The following PALLD variants were observed in gnomAD, a reference collection of about 807,000 sequenced individuals.
PALLD encodes palladin.
PALLD carries 61 observed loss-of-function variants against 123.5 expected under a neutral mutation model. That is an observed-to-expected ratio of 0.49 (90% CI 0.40 to 0.61). PALLD has a LOEUF of 0.61. Among genes scored for constraint, PALLD ranks in the 20% least tolerant of loss-of-function variants. The pLI is 0.00. For synonymous variants in PALLD, 465 were observed against 496.4 expected (o/e 0.94, Z 0.84); for missense variants, 1,273 against 1,377.0 (o/e 0.92, Z 1.20).
intron 10 of PALLD, among the ~76,000 whole-genome samples, chr4:168,854,547 C>G (rs780271364): frequency 1.5e-4 from 23 of 152,256 alleles, no homozygotes; most frequent in Non-Finnish European, 3.2e-4. Context: ...AGAGAACAGC[C>G]GTGCAGCTGT....
In PALLD at chr4:168,753,205, A is replaced by G. The variant is rs62333925; in HGVS notation, c.1964+41282A>G. Among the ~76,000 whole-genome samples, 216 of 152,162 alleles carry G rather than the reference A, an allele frequency of 1.4e-3. 1 individual carries two copies. Among genetic ancestry groups the G allele is most frequent in the Non-Finnish European group, 2.4e-3 (166 of 68,004 alleles). On this transcript the variant is annotated intron_variant, in intron 10 of 21. Coordinates refer to ENST00000505667, the MANE Select transcript of PALLD (RefSeq NM_001166108.2). Reference sequence around the variant, plus strand: ...TCTTAATATCAATAAACTAATCCCCACCTTACATGCCATTTAAGTACAAGG... The same window carrying G: ...TCTTAATATCAATAAACTAATCCCCGCCTTACATGCCATTTAAGTACAAGG...
intron 2 of PALLD, among the ~76,000 whole-genome samples, chr4:168,553,358 A>C (rs575487503): frequency 6.6e-6 from 1 of 152,340 alleles, no homozygotes; most frequent in African/African-American, 2.4e-5. Context: ...GTTAAAGCAA[A>C]CAGAGTCTAA....
intron 2 of PALLD, among the ~76,000 whole-genome samples, chr4:168,568,366 G>A (rs1768622481): frequency 1.3e-5 from 2 of 151,856 alleles, no homozygotes; most frequent in African/African-American, 2.4e-5. Flanking sequence ...GTCATTAAAG[G>A]CATATTGAAT....
intron 10 of PALLD, among the ~76,000 whole-genome samples, chr4:168,811,925 G>T (rs116814513): frequency 0.016 from 2,451 of 152,130 alleles, 65 homozygotes; most frequent in African/African-American, 0.056. Context: ...ATTGGGTGAA[G>T]GTGACAGTCC....
chr4:168,625,380 C>G (rs1455571718), intron 2 of PALLD, among the ~76,000 whole-genome samples: 2 of 151,410 alleles, frequency 1.3e-5, no homozygotes, highest in Non-Finnish European at 2.9e-5. Context: ...GCAAATGGGG[C>G]TATATCAAAC....
Position 168,840,881 on chromosome 4 carries a change from C to T in PALLD, c.1965-50041C>T, listed in dbSNP as rs186733181. 1.6e-3 allele frequency among the ~76,000 whole-genome samples: 250 copies of T among 152,192 alleles called. 3 individuals carry two copies. Among genetic ancestry groups the T allele is most frequent in the African/African-American group, 5.1e-3 (211 of 41,542 alleles). On this transcript the variant is annotated intron_variant, in intron 10 of 21. Transcript: ENST00000505667. ...TTATTTATTTTTTGAGACCAAGTTTCGCTCTGTTGCCCAGGCTGGAGTGCA... is the reference window on the plus strand; with the variant it reads ...TTATTTATTTTTTGAGACCAAGTTTTGCTCTGTTGCCCAGGCTGGAGTGCA...
chr4:168,773,872 A>G (rs1250600472), intron 10 of PALLD, among the ~76,000 whole-genome samples: 14 of 152,068 alleles, frequency 9.2e-5, no homozygotes, highest in Non-Finnish European at 1.9e-4. Flanking sequence ...TTCCCCTCCA[A>G]CACTGAGGAA....
Position 168,926,344 on chromosome 4 carries a change from C to G in PALLD, c.*164C>G. 1 of 1,537,378 alleles carries G rather than the reference C, an allele frequency of 6.5e-7. No homozygotes were observed. Among genetic ancestry groups the G allele is most frequent in the African/African-American group, 1.4e-5 (1 of 73,160 alleles). On this transcript the variant is annotated 3_prime_UTR_variant, in exon 22 of 22. Transcript: ENST00000505667. ...CCAACCTGAGGCCAACCCATCTCACCTGACACTGAATACTGCCTTGGTAGA... is the reference window on the plus strand; with the variant it reads ...CCAACCTGAGGCCAACCCATCTCACGTGACACTGAATACTGCCTTGGTAGA...
At chr4:168,849,255 C>A (rs982550512) in intron 10 of PALLD, among the ~76,000 whole-genome samples, 1 of 152,234 alleles carries the variant, frequency 6.6e-6, no homozygotes, top group Non-Finnish European at 1.5e-5. Flanking sequence ...GACGTCTGCA[C>A]GCCCCTGGTG....
intron 10 of PALLD, among the ~76,000 whole-genome samples, chr4:168,881,445 A>C (rs945718325): frequency 6.6e-6 from 1 of 150,600 alleles, no homozygotes; most frequent in African/African-American, 2.4e-5. Context: ...TGGGGAAGAA[A>C]GGCATTTGAG....
At chr4:168,597,780 T>C (rs1218794464) in intron 2 of PALLD, among the ~76,000 whole-genome samples, 1 of 152,160 alleles carries the variant, frequency 6.6e-6, no homozygotes. Context: ...TTATTTCATA[T>C]ATGATCTGTA....
chr4:168,781,022 C>T (rs1339958990), intron 10 of PALLD, among the ~76,000 whole-genome samples: 1 of 152,078 alleles, frequency 6.6e-6, no homozygotes, highest in African/African-American at 2.4e-5. Flanking sequence ...AGATAGGAGT[C>T]GACATTTGAA....
intron 8 of PALLD, chr4:168,700,076 A>G (rs566325995): frequency 1.2e-5 from 4 of 326,358 alleles, no homozygotes; most frequent in Non-Finnish European, 1.9e-5. Flanking sequence ...CAGTATTACA[A>G]CCTGGCTCAT....
At chr4:168,689,507 G>A (rs1163192810) in intron 6 of PALLD, among the ~76,000 whole-genome samples, 1 of 126,458 alleles carries the variant, frequency 7.9e-6, no homozygotes, top group African/African-American at 3.1e-5. Context: ...AAGTGCAATG[G>A]TGTGATCTTG....
intron 17 of PALLD, among the ~76,000 whole-genome samples, chr4:168,918,293 T>G (rs970058517): frequency 1.3e-5 from 2 of 151,116 alleles, no homozygotes; most frequent in Admixed American, 6.6e-5. Context: ...TCAGCCTAAG[T>G]GTCAACAGAT....
chr4:168,783,482 T>C (rs1172472666), intron 10 of PALLD, among the ~76,000 whole-genome samples: 1 of 151,484 alleles, frequency 6.6e-6, no homozygotes, highest in East Asian at 1.9e-4. Flanking sequence ...AGGGGAGAGG[T>C]GATGAGACCA....
At chr4:168,538,258 CTGAG>C (rs1328420515) in intron 2 of PALLD, among the ~76,000 whole-genome samples, 7 of 152,210 alleles carry the variant, frequency 4.6e-5, no homozygotes, top group African/African-American at 1.4e-4. Flanking sequence ...GGGAATTATT[CTGAG>C]TAAGTAAACA....
intron 2 of PALLD, among the ~76,000 whole-genome samples, chr4:168,539,394 C>T (rs1765390538): frequency 6.6e-6 from 1 of 152,002 alleles, no homozygotes; most frequent in African/African-American, 2.4e-5. Flanking sequence ...TCGAGACCAG[C>T]CTGGCTAACA....
chr4:168,547,566 CAAAAA>C (rs11339394), intron 2 of PALLD, among the ~76,000 whole-genome samples: 3 of 70,932 alleles, frequency 4.2e-5, no homozygotes, highest in Non-Finnish European at 7.7e-5. Context: ...TAATAAAATA[CAAAAA>C]AAAAAAAAAA....
Sources: gnomAD v4.1 joint callset for allele counts (sites outside exome capture counted in the v4.1 genomes callset) on GRCh38, gnomAD v4.1.1 for gene constraint, MANE v1.5 for transcripts, NCBI Gene and HGNC (gene_info 2026-07-23, HGNC 2026-07-21) for gene names.